GALNT17: variants seen among roughly 807,000 people sequenced by gnomAD.
GALNT17 encodes polypeptide N-acetylgalactosaminyltransferase 17.
GALNT17 carries 29 observed loss-of-function variants against 63.7 expected under a neutral mutation model. The observed-to-expected ratio is 0.46, with a 90% CI of 0.34 to 0.62. The LOEUF (loss-of-function observed/expected upper bound fraction) is 0.62. GALNT17 is among the 20% of genes least tolerant of loss of function. The probability of loss-of-function intolerance (pLI) is 0.01; values close to 1 mark genes in which losing one functional copy is unlikely to be tolerated. For missense variants in GALNT17, 603 were observed against 799.6 expected, an observed-to-expected ratio of 0.75 and a Z score of 2.97; for synonymous variants, 305 against 318.3, an observed-to-expected ratio of 0.96 and a Z score of 0.45.
At chr7:71,459,658 A>G (rs1379615590) in intron 5 of GALNT17, among the ~76,000 whole-genome samples, 9 of 152,182 alleles carry the variant, frequency 5.9e-5, no homozygotes, top group African/African-American at 2.2e-4. Context: ...TTTCTTGGCC[A>G]TATTTTGAAA....
chr7:71,498,420 C>T (rs777959220), intron 5 of GALNT17, among the ~76,000 whole-genome samples: 30 of 151,920 alleles, frequency 2.0e-4, no homozygotes, highest in Non-Finnish European at 3.2e-4. Context: ...TTGCAGTGAG[C>T]TGAGATCATA....
At chr7:71,659,569 A>G (rs1204392145) in intron 6 of GALNT17, among the ~76,000 whole-genome samples, 1 of 152,202 alleles carries the variant, frequency 6.6e-6, no homozygotes, top group African/African-American at 2.4e-5. Context: ...TTCCAAGAGG[A>G]AGAAAGTGCA....
chr7:71,614,195 A>G (rs1037012776), intron 6 of GALNT17, among the ~76,000 whole-genome samples: 4 of 152,172 alleles, frequency 2.6e-5, no homozygotes, highest in African/African-American at 7.2e-5. Context: ...TTCCTTCTGG[A>G]GAGAGCCAAG....
chr7:71,557,566 G>A (rs917309643), intron 5 of GALNT17, among the ~76,000 whole-genome samples: 3 of 152,156 alleles, frequency 2.0e-5, no homozygotes, highest in Non-Finnish European at 2.9e-5. Context: ...GCTGAGGTAG[G>A]TGGATCACCT....
At chr7:71,134,849 T>G (rs1323938046) in intron 1 of GALNT17, among the ~76,000 whole-genome samples, 2 of 122,068 alleles carry the variant, frequency 1.6e-5, no homozygotes, top group African/African-American at 3.1e-5. Context: ...TTTTTTTTTT[T>G]TTTTTTTTTT....
intron 9 of GALNT17, among the ~76,000 whole-genome samples, chr7:71,708,435 A>G (rs1368305505): frequency 2.6e-5 from 2 of 75,964 alleles, no homozygotes; most frequent in African/African-American, 1.0e-4. Flanking sequence ...ACCTCCCTTC[A>G]TGAATCAATT....
intron 1 of GALNT17, among the ~76,000 whole-genome samples, chr7:71,309,444 T>C (rs533156816): frequency 2.0e-5 from 3 of 152,198 alleles, no homozygotes; most frequent in East Asian, 1.9e-4. Flanking sequence ...CCAAATGTTA[T>C]CTCCTTGAGG....
chr7:71,633,052 C>T (rs934061095), intron 6 of GALNT17, among the ~76,000 whole-genome samples: 10 of 146,514 alleles, frequency 6.8e-5, no homozygotes, highest in African/African-American at 1.6e-4. Flanking sequence ...TGCAGTGAGC[C>T]GACATCGCAC....
chr7:71,571,851 A>G (rs1216229237), intron 6 of GALNT17, among the ~76,000 whole-genome samples: 1 of 151,900 alleles, frequency 6.6e-6, no homozygotes, highest in African/African-American at 2.4e-5. Flanking sequence ...CTGTCTCTAC[A>G]AAAAATAAAA....
chr7:71,667,805 A>T (rs200452475), intron 7 of GALNT17, among the ~76,000 whole-genome samples: 5 of 148,852 alleles, frequency 3.4e-5, no homozygotes, highest in South Asian at 2.1e-4. Context: ...ATAAAGGGGA[A>T]TTTTTTTTTT....
chr7:71,515,864 T>G (rs1470180522), intron 5 of GALNT17, among the ~76,000 whole-genome samples: 1 of 152,044 alleles, frequency 6.6e-6, no homozygotes, highest in Non-Finnish European at 1.5e-5. Flanking sequence ...CTTCAATATT[T>G]GAAGGGGAAA....
At chr7:71,272,024 G>A (rs1238390114) in intron 1 of GALNT17, among the ~76,000 whole-genome samples, 5 of 152,182 alleles carry the variant, frequency 3.3e-5, no homozygotes, top group Non-Finnish European at 5.9e-5. Flanking sequence ...CTCCCAAAGT[G>A]TTGGGATTAC....
intron 1 of GALNT17, among the ~76,000 whole-genome samples, chr7:71,167,774 C>T (rs1413904730): frequency 6.6e-6 from 1 of 152,186 alleles, no homozygotes; most frequent in African/African-American, 2.4e-5. Flanking sequence ...ACTGCAACCT[C>T]CACCTCCTGG....
chr7:71,246,801 C>A (rs1446539487), intron 1 of GALNT17, among the ~76,000 whole-genome samples: 2 of 151,370 alleles, frequency 1.3e-5, no homozygotes, highest in Non-Finnish European at 2.9e-5. Context: ...TGCATTCCAG[C>A]CTGGGCGACA....
intron 5 of GALNT17, among the ~76,000 whole-genome samples, chr7:71,439,538 A>G (rs983873726): frequency 6.6e-6 from 1 of 152,240 alleles, no homozygotes; most frequent in African/African-American, 2.4e-5. Flanking sequence ...GCCTGCCTCC[A>G]TCAACCGACA....
intron 9 of GALNT17, among the ~76,000 whole-genome samples, chr7:71,698,618 G>A (rs1791579856): frequency 6.6e-6 from 1 of 151,988 alleles, no homozygotes; most frequent in Admixed American, 6.6e-5. Flanking sequence ...AATCTGTAGA[G>A]GGGAACAATG....
chr7:71,584,302 C>T (rs1277195239), intron 6 of GALNT17, among the ~76,000 whole-genome samples: 1 of 152,148 alleles, frequency 6.6e-6, no homozygotes, highest in Non-Finnish European at 1.5e-5. Context: ...TCAGTCATTA[C>T]ATTTTATGCT....
chr7:71,267,673 A>T (rs1480770487), intron 1 of GALNT17, among the ~76,000 whole-genome samples: 4 of 151,556 alleles, frequency 2.6e-5, no homozygotes, highest in Admixed American at 2.6e-4. Context: ...CCTTACAGCC[A>T]TGGAGAACAG....
intron 2 of GALNT17, among the ~76,000 whole-genome samples, chr7:71,377,341 G>A (rs931376725): frequency 5.4e-5 from 1 of 18,424 alleles, no homozygotes; most frequent in South Asian, 7.8e-4. Context: ...GGAGCCAGTA[G>A]GTGAATATTC....
Sources: allele counts gnomAD v4.1 joint callset (sites outside exome capture counted in the v4.1 genomes callset), GRCh38; gene constraint gnomAD v4.1.1; transcripts MANE v1.5; gene names NCBI Gene and HGNC (gene_info 2026-07-23, HGNC 2026-07-21).